Variants in LMBRD2 observed in about 807,000 individuals in gnomAD.
LMBRD2 encodes G protein-coupled receptor-associated protein LMBRD2.
In LMBRD2, 55 loss-of-function variants were observed where a neutral mutation model predicts 94.4. The ratio of observed to expected loss-of-function variants is 0.58; its 90% CI spans 0.47 to 0.73. The LOEUF is 0.73. Ranked by LOEUF, LMBRD2 falls within the 30% of genes least tolerant of loss-of-function variation. LMBRD2 has a pLI of 0.00. For synonymous variants in LMBRD2, 246 were observed against 272.4 expected, an observed-to-expected ratio of 0.90 and a Z score of 0.95; for missense variants, 640 against 831.9, an observed-to-expected ratio of 0.77 and a Z score of 2.84.
intron 9 of LMBRD2, among the ~76,000 whole-genome samples, chr5:36,120,942 C>G (rs1302871604): frequency 1.3e-5 from 2 of 152,140 alleles, no homozygotes; most frequent in Non-Finnish European, 2.9e-5. Flanking sequence ...TCTCTAAATT[C>G]TGGAGTGCCT....
At chr5:36,136,721 A>G (rs1361593486) in intron 5 of LMBRD2, among the ~76,000 whole-genome samples, 15 of 152,208 alleles carry the variant, frequency 9.9e-5, no homozygotes, top group Admixed American at 9.8e-4. Context: ...ATTAAACAAA[A>G]GAAGTTTGAA....
At chr5:36,109,133 C>T (rs1206542191) in intron 15 of LMBRD2, among the ~76,000 whole-genome samples, 3 of 152,090 alleles carry the variant, frequency 2.0e-5, no homozygotes, top group Non-Finnish European at 4.4e-5. Context: ...TCATTAAATT[C>T]TTAGAATTGA....
At position 36,117,741 on chromosome 5, in the gene LMBRD2, AT is replaced by A; in HGVS notation, c.1295del (p.Tyr432LeufsTer13). 6.3e-7 allele frequency: 1 copy of A among 1,598,808 alleles called. No individual in the cohort carries two copies. The highest frequency in any genetic ancestry group is 8.5e-7 in the Non-Finnish European group (1 of 1,171,536). On this transcript the variant is annotated frameshift_variant, in exon 10 of 18. Coordinates refer to ENST00000296603, the MANE Select transcript of LMBRD2 (RefSeq NM_001007527.2). LOFTEE classifies it high-confidence loss of function. The part of the protein sequence containing the change: ...QLAEKTYNYI[Y>X]IEIACFLSIF... ...AGACATAAAATAAACTGACCTCGAT[AT>A]AAATATAATTATATGTTTTTTCTGC...
chr5:36,127,285 G>C (rs948895400), intron 6 of LMBRD2, among the ~76,000 whole-genome samples: 2 of 152,190 alleles, frequency 1.3e-5, no homozygotes, highest in African/African-American at 2.4e-5. Context: ...TGAAGTATAT[G>C]GCCAGAGAAA....
At chr5:36,115,611 G>A (rs898035635) in intron 11 of LMBRD2, among the ~76,000 whole-genome samples, 1 of 152,120 alleles carries the variant, frequency 6.6e-6, no homozygotes, top group East Asian at 1.9e-4. Flanking sequence ...TGGGGCTGGG[G>A]AGAATAAAGT....
At chr5:36,149,163 T>G (rs1429491558) in intron 1 of LMBRD2, among the ~76,000 whole-genome samples, 1 of 152,120 alleles carries the variant, frequency 6.6e-6, no homozygotes, top group African/African-American at 2.4e-5. Flanking sequence ...GAACGCCTAC[T>G]ATATGGTGAG....
chr5:36,124,219 C>T lies in LMBRD2; in HGVS notation c.794G>A (p.Arg265Lys), dbSNP rs781695060. 16 of 1,590,428 alleles carry T rather than the reference C, an allele frequency of 1.0e-5. No individual in the cohort carries two copies. The highest frequency in any genetic ancestry group is 1.4e-5 in the Non-Finnish European group (16 of 1,160,288). ...TTTAAGTATTGTATCAACACATTTT[C>T]TCAATGGGTGATTATACTTGATGCT... ...NESIKYNHPL[R>K]KCVDTILKKC... The change falls in exon 7 of 18, where the codon AGA becomes AAA. Residue 265 changes from arginine (R) to lysine (K), a missense_variant. Around this residue, in one of 2 missense-constraint regions of LMBRD2, gnomAD observed 457 missense variants for 642.8 expected, o/e 0.71. Coordinates refer to ENST00000296603, the MANE Select transcript of LMBRD2 (RefSeq NM_001007527.2).
Position 36,137,478 on chromosome 5 carries a change from T to C in LMBRD2, c.369-37A>G. On this transcript the variant is annotated intron_variant, in intron 4 of 17. Coordinates refer to ENST00000296603, the MANE Select transcript of LMBRD2 (RefSeq NM_001007527.2). ...GAAAAAATATGATTAAAAACCCAAA[T>C]AATTGATATGTCTGTATAATCTCAA... The C allele has an allele frequency of 2.2e-6, 3 of 1,380,964 alleles. No homozygotes were observed. In the South Asian group the frequency reaches 4.3e-5, roughly 20 times the overall value. 85.5% of individuals were successfully genotyped at this position (1,380,964 alleles called of 1,614,324 possible).
intron 6 of LMBRD2, among the ~76,000 whole-genome samples, chr5:36,133,841 C>A (rs1388155159): frequency 1.3e-5 from 2 of 152,084 alleles, no homozygotes; most frequent in Non-Finnish European, 2.9e-5. Flanking sequence ...ACAACAAAAT[C>A]TATTTTATTC....
intron 1 of LMBRD2, 23 bp from the exon 2 acceptor site, chr5:36,143,429 A>G: frequency 9.8e-7 from 1 of 1,016,180 alleles, no homozygotes; most frequent in Non-Finnish European, 1.4e-6. Flanking sequence ...AAGAAGGTTA[A>G]AATGCATCAT....
chr5:36,142,699 C>A, intron 2 of LMBRD2, 100 bp from the exon 3 acceptor site: 1 of 612,996 alleles, frequency 1.6e-6, no homozygotes, highest in Non-Finnish European at 2.9e-6. Flanking sequence ...AACTTACCTT[C>A]TTGGCTATGC....
Position 36,138,313 on chromosome 5 carries a change from G to C in LMBRD2, c.369-872C>G, listed in dbSNP as rs986400484. Among the ~76,000 whole-genome samples the C allele has an allele frequency of 3.3e-5, 5 of 152,212 alleles. No individual in the cohort carries two copies. The South Asian group carries it at 1.0e-3, about 31-fold the overall frequency. On this transcript the variant is annotated intron_variant, in intron 4 of 17. Coordinates refer to ENST00000296603, the MANE Select transcript of LMBRD2 (RefSeq NM_001007527.2). Reference sequence around the variant, plus strand: ...TATCAAATATAGAGAATTTATTTAAGAAGTTTGGCTGGGTAGGATAAACTA... The same window carrying C: ...TATCAAATATAGAGAATTTATTTAACAAGTTTGGCTGGGTAGGATAAACTA...
rs753256134 is a variant in LMBRD2, at chr5:36,105,153, G to C, written c.1942C>G (p.Arg648Gly). Reference protein sequence around the residue: ...TRANNRTERDRIELLQDAEPL... With the variant: ...TRANNRTERDGIELLQDAEPL... ...TCTGCATCTTGGAGAAGTTCTATCC[G>C]GTCCCTTTCAGTCCTGTTATTAGCC... The change falls in exon 17 of 18, where the codon CGG becomes GGG. Residue 648 changes from arginine to glycine, a missense_variant. By Grantham distance (125) the Arg-to-Gly change is moderately radical (BLOSUM62 -2). Coordinates refer to ENST00000296603, the MANE Select transcript of LMBRD2 (RefSeq NM_001007527.2). 3 of 1,612,478 alleles carry C rather than the reference G, an allele frequency of 1.9e-6. No homozygotes were observed. In the South Asian group the frequency reaches 3.3e-5, roughly 18 times the overall value.
intron 13 of LMBRD2, among the ~76,000 whole-genome samples, chr5:36,112,117 TTCCATTTTGCAGTAAAAATG>T (rs1196218423): frequency 1.3e-5 from 2 of 152,088 alleles, no homozygotes; most frequent in African/African-American, 4.8e-5. Context: ...AAGATCTCCA[TTCCATTTTGCAGTAAAAATG>T]TGTAAATATC....
In LMBRD2 at chr5:36,122,346, C is replaced by A; in HGVS notation, c.1054G>T (p.Val352Phe). Residue 352 changes from valine (V) to phenylalanine (F), a missense_variant, in exon 9 of 18, where the codon GTT becomes TTT. Physicochemically the swap from Val to Phe is conservative, Grantham distance 50. Around this residue, in one of 2 missense-constraint regions of LMBRD2, gnomAD observed 457 missense variants for 642.8 expected, o/e 0.71. Coordinates refer to ENST00000296603, the MANE Select transcript of LMBRD2 (RefSeq NM_001007527.2). ...KNETSATHQF[V>F]HTFQSPEPEN... ...GGCTCTGGCGATTGAAAGGTGTGAACAAACTGATGAGTAGCACTAGTTTCA... is the reference window on the plus strand; with the variant it reads ...GGCTCTGGCGATTGAAAGGTGTGAAAAAACTGATGAGTAGCACTAGTTTCA... The A allele has an allele frequency of 6.2e-7, 1 of 1,612,470 alleles. No individual in the cohort carries two copies. Among genetic ancestry groups the A allele is most frequent in the Non-Finnish European group, 8.5e-7 (1 of 1,179,442 alleles).
intron 6 of LMBRD2, 24 bp downstream of exon 6, chr5:36,136,285 C>T (rs751861438): frequency 1.9e-6 from 3 of 1,606,586 alleles, no homozygotes; most frequent in East Asian, 2.2e-5. Context: ...GTGACTATTG[C>T]TTATAAGGTT....
In LMBRD2 at chr5:36,151,075, A is replaced by G. The variant is rs1373643357; in HGVS notation, c.-58+481T>C. Among the ~76,000 whole-genome samples the G allele has an allele frequency of 6.6e-6, 1 of 152,134 alleles. No homozygotes were observed. The highest frequency in any genetic ancestry group is 6.5e-5 in the Admixed American group (1 of 15,274). On this transcript the variant is annotated intron_variant, in intron 1 of 17. Coordinates refer to ENST00000296603, the MANE Select transcript of LMBRD2 (RefSeq NM_001007527.2). The surrounding 1 kb of genome is among the most constrained non-coding windows in gnomAD (Gnocchi z 4.7). ...GTATAGTTTGCCCAATGGATTTCGC[A>G]TGGTCATTGTACCTGGAATATGTCA...
At chr5:36,123,106 A>G (rs1190546726) in intron 7 of LMBRD2, 145 bp from the exon 8 acceptor site, 5 of 811,778 alleles carry the variant, frequency 6.2e-6, no homozygotes, top group Non-Finnish European at 8.5e-6. Flanking sequence ...GTTAGACTTC[A>G]TTTGCTGATA....
intron 6 of LMBRD2, among the ~76,000 whole-genome samples, chr5:36,129,679 C>G (rs1744088199): frequency 6.6e-6 from 1 of 152,146 alleles, no homozygotes; most frequent in Admixed American, 6.5e-5. Context: ...GTACAAAACT[C>G]ATTGGTTATA....
Sources: allele counts gnomAD v4.1 joint callset (sites outside exome capture counted in the v4.1 genomes callset), GRCh38; gene constraint gnomAD v4.1.1; regional missense constraint gnomAD v4.1.1; non-coding constraint Gnocchi (gnomAD v3.1); transcripts MANE v1.5; gene names NCBI Gene and HGNC (gene_info 2026-07-23, HGNC 2026-07-21).